The following ATRN variants were observed in gnomAD, a reference collection of about 807,000 sequenced individuals.
ATRN encodes attractin-2.
Under a neutral mutation model 178.7 loss-of-function variants are expected in ATRN, and 54 were observed. That is an observed-to-expected ratio of 0.30 (90% CI 0.24 to 0.38). ATRN has a LOEUF of 0.38. ATRN is among the 10% of genes least tolerant of loss of function. The pLI is 1.00. For synonymous variants in ATRN, 636 were observed against 663.0 expected, an observed-to-expected ratio of 0.96 and a Z score of 0.63; for missense variants, 1,443 against 1,815.1, an observed-to-expected ratio of 0.79 and a Z score of 3.73.
chr20:3,511,020 A>C (rs370307850), intron 1 of ATRN, among the ~76,000 whole-genome samples: 1 of 152,246 alleles, frequency 6.6e-6, no homozygotes, highest in South Asian at 2.1e-4. Context: ...CATGAATCAA[A>C]GAAGAAATCA....
At position 3,632,109 on chromosome 20, in the gene ATRN, G is replaced by C. The variant is rs1427411121; in HGVS notation, c.3864-2202G>C. Among the ~76,000 whole-genome samples the C allele has an allele frequency of 6.6e-6, 1 of 152,054 alleles. No homozygotes were observed. Among genetic ancestry groups the C allele is most frequent in the Non-Finnish European group, 1.5e-5 (1 of 68,014 alleles). On this transcript the variant is annotated intron_variant, in intron 25 of 28. Coordinates refer to ENST00000262919, the MANE Select transcript of ATRN (RefSeq NM_139321.3). This position sits in a 1 kb window ranked among gnomAD's most constrained non-coding sequence, Gnocchi z 4.2. ...CCTCCAGGTTAGAATATCTGCCCAG[G>C]ACATCTCCCCTGGGCTGTCCGGTAG...
intron 26 of ATRN, among the ~76,000 whole-genome samples, chr20:3,637,644 C>G (rs2087035674): frequency 6.6e-6 from 1 of 152,130 alleles, no homozygotes; most frequent in Non-Finnish European, 1.5e-5. Context: ...TCTCTAATAT[C>G]CTTAATGATA....
At chr20:3,620,974 T>A (rs77350643) in intron 24 of ATRN, among the ~76,000 whole-genome samples, 2,554 of 152,264 alleles carry the variant, frequency 0.017, 69 homozygotes, top group African/African-American at 0.058. Flanking sequence ...AAACATGATT[T>A]TTTTATTTTA....
At chr20:3,578,994 T>TG (rs2086247333) in intron 15 of ATRN, among the ~76,000 whole-genome samples, 1 of 152,122 alleles carries the variant, frequency 6.6e-6, no homozygotes, top group Non-Finnish European at 1.5e-5. Context: ...AATAATTATA[T>TG]GGGGGATGAA....
rs182358233 is a variant in ATRN at position 3,551,393 on chromosome 20, G to A, written c.1112+2055G>A. Among the ~76,000 whole-genome samples the A allele has an allele frequency of 3.3e-3, 499 of 152,240 alleles. 1 individual carries two copies. The highest frequency in any genetic ancestry group is 6.8e-3 in the Middle Eastern group (2 of 294). ...AAATTCATGTTCCAGGGCTCCCCTT[G>A]GGATCAGGCCAAAGCTATACTTCAA... On this transcript the variant is annotated intron_variant, in intron 6 of 28. Coordinates refer to ENST00000262919, the MANE Select transcript of ATRN (RefSeq NM_139321.3).
intron 1 of ATRN, among the ~76,000 whole-genome samples, chr20:3,478,014 C>T (rs1461716984): frequency 6.6e-6 from 1 of 152,098 alleles, no homozygotes; most frequent in Non-Finnish European, 1.5e-5. Context: ...TTTAGCTAAC[C>T]AAAGGTCAAA....
rs199803761 is a variant in ATRN at position 3,560,901 on chromosome 20, T to C, written c.1443T>C (p.Asp481=). Residue 481 remains aspartate, a synonymous_variant, in exon 8 of 29, where the codon GAT becomes GAC. Transcript: ENST00000262919. ...ATATAAGCAATGTGCAGGAATATGA[T>C]TTGGGTAGGTATATTTTTTCCAGTA... ...YGYISNVQEY[D]LDKNTWSILH... 1.9e-6 allele frequency: 3 copies of C among 1,613,336 alleles called. No individual in the cohort carries two copies. The Admixed American group carries it at 5.0e-5, about 27-fold the overall frequency.
At chr20:3,532,836 C>T (rs1958743275) in intron 1 of ATRN, among the ~76,000 whole-genome samples, 1 of 151,960 alleles carries the variant, frequency 6.6e-6, no homozygotes, top group Non-Finnish European at 1.5e-5. Flanking sequence ...GATCTTGGCT[C>T]ACTGCAAGCT....
rs2085693151 is a variant in ATRN at position 3,545,827 on chromosome 20, A to G, written c.674A>G (p.Tyr225Cys). 1.2e-5 allele frequency: 19 copies of G among 1,614,108 alleles called. No individual in the cohort carries two copies. The highest frequency in any genetic ancestry group is 1.5e-5 in the Non-Finnish European group (18 of 1,179,952). The change falls in exon 4 of 29, where the codon TAT becomes TGT. Residue 225 changes from tyrosine to cysteine, a missense_variant. This residue lies in a region of ATRN where 862 missense variants were observed against 972.1 expected (regional missense o/e 0.89). Coordinates refer to ENST00000262919, the MANE Select transcript of ATRN (RefSeq NM_139321.3). ...TVPEVVATSG[Y>C]ALLHFFSDAA... is the part of the protein sequence containing the mutation. ...CCTGAGGTTGTTGCCACATCAGGTT[A>G]TGCCTTGCTGCATTTTTTTAGTGAT...
At chr20:3,629,327 G>T in intron 25 of ATRN, 1 of 983,616 alleles carries the variant, frequency 1.0e-6, no homozygotes, top group Non-Finnish European at 1.2e-6. Context: ...TATTCAGCTT[G>T]CACTCTTCTC....
At chr20:3,631,623 G>A (rs1163423813) in intron 25 of ATRN, among the ~76,000 whole-genome samples, 1 of 152,132 alleles carries the variant, frequency 6.6e-6, no homozygotes, top group Non-Finnish European at 1.5e-5. Context: ...GTTGTCAACA[G>A]ATCTTCACTG....
At chr20:3,496,641 G>A (rs1251110623) in intron 1 of ATRN, among the ~76,000 whole-genome samples, 1 of 152,188 alleles carries the variant, frequency 6.6e-6, no homozygotes, top group Non-Finnish European at 1.5e-5. Flanking sequence ...TTGATTTGGG[G>A]TAGAGAGTTC....
At chr20:3,542,639 T>G (rs2085641466) in intron 3 of ATRN, among the ~76,000 whole-genome samples, 1 of 129,272 alleles carries the variant, frequency 7.7e-6, no homozygotes, top group African/African-American at 2.9e-5. Flanking sequence ...CCCTTCCCCT[T>G]CCCCTTCCCT....
chr20:3,523,773 A>G (rs906156081), intron 1 of ATRN, among the ~76,000 whole-genome samples: 2 of 152,234 alleles, frequency 1.3e-5, no homozygotes, highest in East Asian at 1.9e-4. Flanking sequence ...CAACATTCTT[A>G]AAGAAAAGAA....
intron 1 of ATRN, among the ~76,000 whole-genome samples, chr20:3,493,323 ATT>A (rs140855155): frequency 1.7e-4 from 24 of 139,768 alleles, no homozygotes; most frequent in Non-Finnish European, 2.5e-4. Flanking sequence ...ACCTGGCTAA[ATT>A]TTTTTTTTTT....
chr20:3,508,576 C>T (rs755422101), intron 1 of ATRN, among the ~76,000 whole-genome samples: 35 of 152,096 alleles, frequency 2.3e-4, no homozygotes, highest in Non-Finnish European at 4.0e-4. Flanking sequence ...AAATGAAGAA[C>T]TAAAGATATT....
intron 1 of ATRN, among the ~76,000 whole-genome samples, chr20:3,522,032 C>A (rs2085303461): frequency 6.6e-6 from 1 of 151,940 alleles, no homozygotes; most frequent in Non-Finnish European, 1.5e-5. Flanking sequence ...TCAAGTGATT[C>A]ATCCACTTTG....
At chr20:3,602,400 T>A (rs543769235) in intron 23 of ATRN, among the ~76,000 whole-genome samples, 1 of 152,088 alleles carries the variant, frequency 6.6e-6, no homozygotes, top group East Asian at 1.9e-4. Context: ...ATAAATGAAG[T>A]ACTCAATATA....
intron 12 of ATRN, among the ~76,000 whole-genome samples, chr20:3,575,487 T>A (rs1407256918): frequency 6.6e-6 from 1 of 152,236 alleles, no homozygotes; most frequent in Non-Finnish European, 1.5e-5. Flanking sequence ...GCTCCTGGGC[T>A]TCTTTGGTGT....
Sources: gnomAD v4.1 joint callset for allele counts (sites outside exome capture counted in the v4.1 genomes callset) on GRCh38, gnomAD v4.1.1 for gene constraint, gnomAD v4.1.1 regional missense constraint, Gnocchi (gnomAD v3.1) non-coding constraint, MANE v1.5 for transcripts, NCBI Gene and HGNC (gene_info 2026-07-23, HGNC 2026-07-21) for gene names.